Variants in CNTNAP2 observed in about 807,000 individuals in gnomAD.
CNTNAP2 encodes contactin associated protein 2.
CNTNAP2 carries 98 observed loss-of-function variants against 155.2 expected under a neutral mutation model. That is an observed-to-expected ratio of 0.63 (90% confidence interval 0.54 to 0.75). The LOEUF is 0.75. Ranked by LOEUF, CNTNAP2 falls within the 30% of genes least tolerant of loss-of-function variation. CNTNAP2 has a pLI of 0.00. For synonymous variants in CNTNAP2, 651 were observed against 631.2 expected, an observed-to-expected ratio of 1.03 and a Z score of -0.47; for missense variants, 1,727 against 1,688.1, an observed-to-expected ratio of 1.02 and a Z score of -0.40.
At position 148,252,713 on chromosome 7, in the gene CNTNAP2, G is replaced by A. The variant is rs546073143; in HGVS notation, c.3382-14320G>A. 1.8e-3 allele frequency among the ~76,000 whole-genome samples: 271 copies of A among 152,140 alleles called. 1 individual carries two copies. The highest frequency in any genetic ancestry group is 3.0e-3 in the Non-Finnish European group (207 of 67,994). On this transcript the variant is annotated intron_variant, in intron 20 of 23. Transcript: ENST00000361727. ...CTCATAGCCCTTCACGCCAGGCAGT[G>A]CCAGTCTTTCTGCTTTCACCCCAGG...
chr7:147,159,006 G>A (rs1433492993), intron 8 of CNTNAP2, among the ~76,000 whole-genome samples: 1 of 152,076 alleles, frequency 6.6e-6, no homozygotes, highest in Non-Finnish European at 1.5e-5. Flanking sequence ...TTTGACAGAG[G>A]AAGTAACATT....
intron 10 of CNTNAP2, among the ~76,000 whole-genome samples, chr7:147,399,282 G>A (rs1796874662): frequency 6.6e-6 from 1 of 152,144 alleles, no homozygotes; most frequent in Non-Finnish European, 1.5e-5. Flanking sequence ...GCAACATGAT[G>A]TACTCACGTC....
chr7:146,384,078 C>T (rs997967683), intron 1 of CNTNAP2, among the ~76,000 whole-genome samples: 2 of 152,100 alleles, frequency 1.3e-5, no homozygotes, highest in African/African-American at 4.8e-5. Context: ...TCTGGGCATC[C>T]AAAGTCTCCT....
intron 1 of CNTNAP2, among the ~76,000 whole-genome samples, chr7:146,632,753 ACAAT>A (rs1563164767): frequency 1.3e-5 from 2 of 151,826 alleles, no homozygotes; most frequent in African/African-American, 4.8e-5. Context: ...AAATTTATAA[ACAAT>A]CATGTAGTCA....
At chr7:147,504,297 C>T (rs1453173135) in intron 11 of CNTNAP2, among the ~76,000 whole-genome samples, 1 of 152,156 alleles carries the variant, frequency 6.6e-6, no homozygotes, top group Non-Finnish European at 1.5e-5. Context: ...GGGGCCCTCA[C>T]TGACCTAGAG....
Position 147,245,943 on chromosome 7 carries a change from A to G in CNTNAP2, c.1349-54198A>G, listed in dbSNP as rs563663575. On this transcript the variant is annotated intron_variant, in intron 8 of 23. Transcript: ENST00000361727. ...TATATGCACACATGTATATATTTAT[A>G]TATACAAATATATGCATGCATATAT... 6.6e-5 allele frequency among the ~76,000 whole-genome samples: 10 copies of G among 150,482 alleles called. No individual in the cohort carries two copies. In the South Asian group the frequency reaches 1.9e-3, roughly 28 times the overall value.
At chr7:147,891,178 C>A (rs1192224474) in intron 13 of CNTNAP2, among the ~76,000 whole-genome samples, 1 of 151,296 alleles carries the variant, frequency 6.6e-6, no homozygotes, top group Non-Finnish European at 1.5e-5. Context: ...AGAAAATCAA[C>A]CATACAGTAG....
chr7:147,252,568 T>C (rs1018715743), intron 8 of CNTNAP2, among the ~76,000 whole-genome samples: 2 of 152,320 alleles, frequency 1.3e-5, no homozygotes, highest in Non-Finnish European at 2.9e-5. Flanking sequence ...AATGAAATAA[T>C]AAGGCTAGAA....
chr7:147,635,232 G>A (rs1457201606), intron 12 of CNTNAP2, among the ~76,000 whole-genome samples: 1 of 142,716 alleles, frequency 7.0e-6, no homozygotes, highest in African/African-American at 2.8e-5. Context: ...CTTACGATCT[G>A]TTTTTCCGCC....
At position 146,678,863 on chromosome 7, in the gene CNTNAP2, T is replaced by C. The variant is rs183890531; in HGVS notation, c.98-95408T>C. On this transcript the variant is annotated intron_variant, in intron 1 of 23. Coordinates refer to ENST00000361727, the MANE Select transcript of CNTNAP2 (RefSeq NM_014141.6). ...GGAGTAATTTGAAATTGCATTCTAA[T>C]ACTTATAATAAATAATTTGTTTTCA... Among the ~76,000 whole-genome samples, 5 of 152,328 alleles carry C rather than the reference T, an allele frequency of 3.3e-5. No individual in the cohort carries two copies. The East Asian group carries it at 9.6e-4, about 29-fold the overall frequency.
intron 12 of CNTNAP2, among the ~76,000 whole-genome samples, chr7:147,581,733 G>A (rs948034444): frequency 6.6e-6 from 1 of 152,122 alleles, no homozygotes; most frequent in African/African-American, 2.4e-5. Flanking sequence ...GTAACAACAT[G>A]TACTCGGTTT....
intron 9 of CNTNAP2, among the ~76,000 whole-genome samples, chr7:147,304,744 C>T (rs114687851): frequency 0.011 from 1,641 of 152,262 alleles, 30 homozygotes; most frequent in African/African-American, 0.038. Context: ...ACATCTCTTT[C>T]CAGCTCACCA....
intron 13 of CNTNAP2, among the ~76,000 whole-genome samples, chr7:147,769,266 G>A (rs1797429497): frequency 6.6e-6 from 1 of 152,038 alleles, no homozygotes; most frequent in Admixed American, 6.6e-5. Flanking sequence ...CTTTCCAAAA[G>A]GTCATTTTTA....
At chr7:146,352,482 A>C (rs907722221) in intron 1 of CNTNAP2, among the ~76,000 whole-genome samples, 1 of 152,104 alleles carries the variant, frequency 6.6e-6, no homozygotes, top group African/African-American at 2.4e-5. Flanking sequence ...AATTTTTGGA[A>C]ATAAGCCTAA....
intron 12 of CNTNAP2, among the ~76,000 whole-genome samples, chr7:147,602,347 G>C (rs888716633): frequency 7.3e-6 from 1 of 136,870 alleles, no homozygotes; most frequent in Non-Finnish European, 1.5e-5. Context: ...TAGGCATTAT[G>C]TACTTCAGTC....
intron 1 of CNTNAP2, among the ~76,000 whole-genome samples, chr7:146,416,769 A>C (rs1795943744): frequency 6.6e-6 from 1 of 152,126 alleles, no homozygotes; most frequent in Non-Finnish European, 1.5e-5. Context: ...GTGCATTTCA[A>C]GTATCATCTA....
chr7:146,599,724 G>C (rs1263338259), intron 1 of CNTNAP2, among the ~76,000 whole-genome samples: 1 of 136,844 alleles, frequency 7.3e-6, no homozygotes, highest in Non-Finnish European at 1.6e-5. Flanking sequence ...GAGACAGAGA[G>C]CCAGAAAGAC....
chr7:146,905,333 T>C (rs1297265987), intron 3 of CNTNAP2, among the ~76,000 whole-genome samples: 1 of 152,050 alleles, frequency 6.6e-6, no homozygotes, highest in Non-Finnish European at 1.5e-5. Context: ...CTCAGAGAAC[T>C]GGGAATCTGT....
intron 3 of CNTNAP2, among the ~76,000 whole-genome samples, chr7:146,904,005 ATAAAGT>A (rs1033681559): frequency 8.5e-5 from 13 of 152,232 alleles, no homozygotes; most frequent in Admixed American, 3.3e-4. Flanking sequence ...TCAATTTAAA[ATAAAGT>A]TAAATTTCTT....
Sources: gnomAD v4.1 joint callset for allele counts (sites outside exome capture counted in the v4.1 genomes callset) on GRCh38, gnomAD v4.1.1 for gene constraint, MANE v1.5 for transcripts, NCBI Gene and HGNC (gene_info 2026-07-23, HGNC 2026-07-21) for gene names.